The following CDK13 variants were observed in gnomAD, a reference collection of about 807,000 sequenced individuals.
CDK13 encodes cyclin-dependent kinase 13.
In CDK13, 40 loss-of-function variants were observed where a neutral mutation model predicts 137.6. The ratio of observed to expected loss-of-function variants is 0.29; its 90% CI spans 0.23 to 0.38. The LOEUF is 0.38. Among genes scored for constraint, CDK13 ranks in the 10% least tolerant of loss-of-function variants. The probability of loss-of-function intolerance (pLI) is 1.00; values close to 1 mark genes in which losing one functional copy is unlikely to be tolerated. For missense variants in CDK13, 1,704 were observed against 1,951.8 expected (o/e 0.87, Z 2.39); for synonymous variants, 869 against 760.1 (o/e 1.14, Z -2.36).
At chr7:40,033,480 T>C (rs967138051) in intron 5 of CDK13, among the ~76,000 whole-genome samples, 2 of 152,204 alleles carry the variant, frequency 1.3e-5, no homozygotes, top group African/African-American at 4.8e-5. Context: ...TCAGAGATAG[T>C]ACGTGGTGTA....
intron 5 of CDK13, among the ~76,000 whole-genome samples, chr7:40,016,879 T>A (rs1214216508): frequency 1.3e-5 from 2 of 152,156 alleles, no homozygotes; most frequent in African/African-American, 4.8e-5. Flanking sequence ...TAAAATTATA[T>A]TTGGTTTAGT....
chr7:39,980,123 A>G (rs1011675433), intron 1 of CDK13, among the ~76,000 whole-genome samples: 5 of 152,230 alleles, frequency 3.3e-5, no homozygotes, highest in African/African-American at 1.2e-4. Flanking sequence ...GATCAGACAC[A>G]TTCAGAGGGT....
chr7:40,029,188 A>G (rs1335298596), intron 5 of CDK13, among the ~76,000 whole-genome samples: 1 of 152,108 alleles, frequency 6.6e-6, no homozygotes. Context: ...GCACTTTGGG[A>G]GGCCGAGGCA....
chr7:40,001,662 A>C (rs1784688511), intron 4 of CDK13, among the ~76,000 whole-genome samples, 199 bp from the exon 5 acceptor site: 1 of 152,160 alleles, frequency 6.6e-6, no homozygotes. Flanking sequence ...GGTTTATGTA[A>C]ATATTCCATA....
chr7:40,053,800 C>T lies in CDK13; in HGVS notation c.2600+5923C>T, dbSNP rs1051379473. On this transcript the variant is annotated intron_variant, in intron 7 of 13. Transcript: ENST00000181839. ...AAAGAAGGGAAAAGGAAAGAACAAA[C>T]TTAACTAACGTTTGTGTACATCACT... is the stretch of plus-strand genomic sequence containing the variant. Among the ~76,000 whole-genome samples the T allele has an allele frequency of 1.6e-4, 24 of 151,256 alleles. 1 individual carries two copies. Among genetic ancestry groups the T allele is most frequent in the Non-Finnish European group, 3.1e-4 (21 of 67,864 alleles).
intron 9 of CDK13, among the ~76,000 whole-genome samples, chr7:40,074,100 C>T (rs534430636): frequency 8.5e-5 from 13 of 152,192 alleles, no homozygotes; most frequent in African/African-American, 2.9e-4. Flanking sequence ...CAGGGTTTCC[C>T]CATCTTGCCG....
At position 39,951,239 on chromosome 7, in the gene CDK13, C is replaced by G. The variant is rs2116058818; in HGVS notation, c.598C>G (p.Arg200Gly). 7.8e-7 allele frequency: 1 copy of G among 1,287,880 alleles called. No homozygotes were observed. The highest frequency in any genetic ancestry group is 4.2e-5 in the Admixed American group (1 of 23,696). The allele number at this position is 1,287,880 out of a possible 1,614,324, so 79.8% of individuals were successfully genotyped here. ...RGEGSERRPR[R>G]DRRSSSGRSK... Reference sequence around the variant, plus strand: ...GGAGGGGTCGGAGCGCAGGCCCCGCCGGGACCGCCGCAGCAGCAGTGGCCG... The same window carrying G: ...GGAGGGGTCGGAGCGCAGGCCCCGCGGGGACCGCCGCAGCAGCAGTGGCCG... Residue 200 changes from arginine to glycine, a missense_variant, in exon 1 of 14, where the codon CGG becomes GGG. Arg to Gly is a moderately radical substitution (Grantham distance 125). Coordinates refer to ENST00000181839, the MANE Select transcript of CDK13 (RefSeq NM_003718.5).
intron 5 of CDK13, among the ~76,000 whole-genome samples, chr7:40,042,825 C>A (rs1163591868): frequency 2.0e-5 from 3 of 151,852 alleles, no homozygotes; most frequent in East Asian, 3.9e-4. Flanking sequence ...CTTCTGTCAC[C>A]CAGGCTGGAA....
Position 40,024,645 on chromosome 7 carries a change from GTTTTTTTTTTTT to G in CDK13, c.2354-21169_2354-21158del, listed in dbSNP as rs58010602. ...TCTTCCAAGATATCTGTAGCTCTGT[GTTTTTTTTTTTT>G]TTTTTTTTTTTTTTTTTTTTTCCTG... is the stretch of plus-strand genomic sequence containing the variant. On this transcript the variant is annotated intron_variant, in intron 5 of 13. Coordinates refer to ENST00000181839, the MANE Select transcript of CDK13 (RefSeq NM_003718.5). Among the ~76,000 whole-genome samples, 345 of 50,274 alleles carry G rather than the reference GTTTTTTTTTTTT, an allele frequency of 6.9e-3. 2 individuals carry two copies. Among genetic ancestry groups the G allele is most frequent in the Middle Eastern group, 0.022 (1 of 46 alleles). 33.0% of individuals were successfully genotyped at this position (50,274 alleles called of 152,430 possible).
chr7:40,057,941 TTAA>T (rs1453795614), intron 7 of CDK13, among the ~76,000 whole-genome samples: 6 of 152,202 alleles, frequency 3.9e-5, no homozygotes, highest in African/African-American at 7.2e-5. Flanking sequence ...TATGAAAGTA[TTAA>T]TAAGTTAGGC....
At chr7:40,078,518 G>A (rs1584078061) in intron 10 of CDK13, 1 of 284,926 alleles carries the variant, frequency 3.5e-6, no homozygotes, top group Admixed American at 5.0e-5. Context: ...CAAAAATTAT[G>A]TAAAAATGAA....
At chr7:40,062,662 G>A in intron 7 of CDK13, 164 bp from the exon 8 acceptor site, 5 of 634,270 alleles carry the variant, frequency 7.9e-6, no homozygotes, top group Non-Finnish European at 1.1e-5. Context: ...TACATTTTAT[G>A]ATCTTATATT....
At chr7:40,064,641 G>T (rs1786236397) in intron 9 of CDK13, among the ~76,000 whole-genome samples, 2 of 151,994 alleles carry the variant, frequency 1.3e-5, no homozygotes, top group Admixed American at 1.3e-4. Context: ...GGATAACTTG[G>T]CTATAGTCAG....
chr7:40,090,885 GAA>G (rs1442468391), intron 12 of CDK13, among the ~76,000 whole-genome samples: 3 of 151,322 alleles, frequency 2.0e-5, no homozygotes, highest in Non-Finnish European at 2.9e-5. Context: ...AAAATCAAGA[GAA>G]AAGAGAAGAA....
chr7:39,981,343 T>G (rs1401602663), intron 1 of CDK13, among the ~76,000 whole-genome samples: 2 of 151,470 alleles, frequency 1.3e-5, no homozygotes, highest in African/African-American at 4.9e-5. Context: ...CACTCCAGCC[T>G]GTGCGAAAAA....
intron 2 of CDK13, among the ~76,000 whole-genome samples, chr7:39,990,498 A>T (rs916453842): frequency 6.6e-6 from 1 of 152,200 alleles, no homozygotes; most frequent in Non-Finnish European, 1.5e-5. Flanking sequence ...AAAAGTTTTT[A>T]GGTGATTAAA....
intron 5 of CDK13, among the ~76,000 whole-genome samples, chr7:40,014,452 C>CT (rs70996871): frequency 0.023 from 2,675 of 118,652 alleles, 77 homozygotes; most frequent in South Asian, 0.047. Flanking sequence ...ATTTCTCTCT[C>CT]TTTTTTTTTT....
At chr7:40,059,681 G>T (rs1042164208) in intron 7 of CDK13, among the ~76,000 whole-genome samples, 25 of 152,156 alleles carry the variant, frequency 1.6e-4, no homozygotes, top group African/African-American at 6.0e-4. Context: ...CAGAGGCAAA[G>T]TATTGGAATC....
chr7:39,984,408 CAA>C (rs1359399147), intron 1 of CDK13: 23 of 96,202 alleles, frequency 2.4e-4, no homozygotes, highest in East Asian at 3.1e-4. Context: ...GACCCTGTTT[CAA>C]AAAAAAAAAA....
Sources: allele counts gnomAD v4.1 joint callset (sites outside exome capture counted in the v4.1 genomes callset), GRCh38; gene constraint gnomAD v4.1.1; transcripts MANE v1.5; gene names NCBI Gene and HGNC (gene_info 2026-07-23, HGNC 2026-07-21).